The following PAX8 variants were observed in gnomAD, a reference collection of about 807,000 sequenced individuals.
PAX8 encodes the protein paired box protein Pax-8.
A neutral mutation model predicts 52.4 loss-of-function variants in PAX8; 15 were observed. The ratio of observed to expected loss-of-function variants is 0.29; its 90% CI spans 0.19 to 0.44. The LOEUF is 0.44. PAX8 is among the 20% of genes least tolerant of loss of function. The probability of loss-of-function intolerance (pLI) is 1.00; values close to 1 mark genes in which losing one functional copy is unlikely to be tolerated. For missense variants in PAX8, 554 were observed against 602.5 expected (o/e 0.92, Z 0.84); for synonymous variants, 284 against 249.7 (o/e 1.14, Z -1.29).
At chr2:113,241,978 C>A (rs767531329) in intron 6 of PAX8, 30 bp downstream of exon 6, 1 of 1,611,704 alleles carries the variant, frequency 6.2e-7, no homozygotes, top group South Asian at 1.1e-5. Flanking sequence ...TCTCGTGCAC[C>A]GCCCGCTGCC....
intron 7 of PAX8, chr2:113,237,303 A>G (rs1415441993): frequency 6.6e-6 from 1 of 152,246 alleles, no homozygotes; most frequent in Non-Finnish European, 1.5e-5. Context: ...CTGTTGTCCT[A>G]GTAGAGTCCC....
chr2:113,233,709 A>G (rs1690059023), intron 9 of PAX8, among the ~76,000 whole-genome samples: 1 of 150,380 alleles, frequency 6.6e-6, no homozygotes, highest in Non-Finnish European at 1.5e-5. Flanking sequence ...AAAAGGGTCC[A>G]GGGACTTTTA....
At chr2:113,261,500 A>G (rs1198540092) in intron 2 of PAX8, among the ~76,000 whole-genome samples, 1 of 152,226 alleles carries the variant, frequency 6.6e-6, no homozygotes, top group African/African-American at 2.4e-5. Flanking sequence ...GGGCTGCCAC[A>G]TGACTTGCAT....
intron 10 of PAX8, among the ~76,000 whole-genome samples, chr2:113,224,739 G>A (rs970335990): frequency 1.3e-5 from 2 of 151,048 alleles, no homozygotes; most frequent in African/African-American, 4.9e-5. Flanking sequence ...GGAGCTGCTG[G>A]TTCTGCTCTA....
intron 10 of PAX8, chr2:113,226,031 C>G: frequency 1.0e-6 from 1 of 985,738 alleles, no homozygotes; most frequent in Non-Finnish European, 1.2e-6. Flanking sequence ...CACATCGCCA[C>G]GGTAACCAGG....
intron 2 of PAX8, chr2:113,274,828 A>T (rs1693691205): frequency 1.3e-5 from 2 of 152,236 alleles, no homozygotes; most frequent in Admixed American, 1.3e-4. Flanking sequence ...TTATTTACAC[A>T]GCAGAGGAAC....
At chr2:113,273,164 C>T (rs562388406) in intron 2 of PAX8, 7 of 152,316 alleles carry the variant, frequency 4.6e-5, no homozygotes, top group East Asian at 1.9e-4. Context: ...CCAACTGTGG[C>T]GAGAGAAAGT....
At chr2:113,234,572 G>A (rs1690127142) in intron 9 of PAX8, among the ~76,000 whole-genome samples, 1 of 152,188 alleles carries the variant, frequency 6.6e-6, no homozygotes, top group Non-Finnish European at 1.5e-5. Context: ...CCAGGCTGGA[G>A]TGCCATGGCG....
rs1432017395 is a variant in PAX8 at position 113,236,629 on chromosome 2, C to T, written c.870G>A (p.Ser290=). The T allele has an allele frequency of 4.4e-6, 7 of 1,591,214 alleles. No homozygotes were observed. The highest frequency in any genetic ancestry group is 2.3e-5 in the South Asian group (2 of 87,176). ...CCACCACGGGGTAGGTCTGGTGAGT[C>T]GAGAGGTTGCGCCCCAGTGGCGTGT... The part of the protein sequence containing the change: ...PSNTPLGRNL[S]THQTYPVVAD... Residue 290 remains serine (S), a synonymous_variant, in exon 8 of 12, where the codon TCG becomes TCA. Transcript: ENST00000429538.
chr2:113,230,411 G>A (rs975757714), intron 9 of PAX8: 2 of 152,236 alleles, frequency 1.3e-5, no homozygotes, highest in African/African-American at 2.4e-5. Context: ...GTGCCCCCAC[G>A]GGGCTCCACC....
At chr2:113,267,153 G>T (rs949826604) in intron 2 of PAX8, 4 of 152,256 alleles carry the variant, frequency 2.6e-5, no homozygotes, top group Non-Finnish European at 4.4e-5. Context: ...CAGAATGTTA[G>T]AGAGAATATC....
chr2:113,218,017 G>A lies in PAX8; in HGVS notation c.*516C>T, dbSNP rs1689083135. On this transcript the variant is annotated 3_prime_UTR_variant, in exon 12 of 12. Transcript: ENST00000429538. Reference sequence around the variant, plus strand: ...ACAGCCAGAGCCTCCGTGTGGGGCAGGCGGGAGGCTGAGGGAGGTGACTCC... The same window carrying A: ...ACAGCCAGAGCCTCCGTGTGGGGCAAGCGGGAGGCTGAGGGAGGTGACTCC... The A allele has an allele frequency of 4.3e-6, 1 of 233,802 alleles. No individual in the cohort carries two copies. Among genetic ancestry groups the A allele is most frequent in the South Asian group, 1.8e-4 (1 of 5,538 alleles). 14.5% of individuals were successfully genotyped at this position (233,802 alleles called of 1,614,324 possible).
intron 4 of PAX8, 105 bp from the exon 5 acceptor site, chr2:113,242,883 A>G (rs993850948): frequency 8.8e-6 from 7 of 791,906 alleles, no homozygotes; most frequent in South Asian, 1.4e-5. Flanking sequence ...GGTATCTCCA[A>G]GGCACTTGAA....
chr2:113,264,658 G>A (rs1443068779), intron 2 of PAX8, among the ~76,000 whole-genome samples: 1 of 152,240 alleles, frequency 6.6e-6, no homozygotes, highest in Non-Finnish European at 1.5e-5. Flanking sequence ...GAGGCAGGTT[G>A]TCACTGTAAG....
At position 113,226,842 on chromosome 2, in the gene PAX8, G is replaced by C. The variant is rs1185770281; in HGVS notation, c.1189+313C>G. On this transcript the variant is annotated intron_variant, in intron 10 of 11. Coordinates refer to ENST00000429538, the MANE Select transcript of PAX8 (RefSeq NM_003466.4). ...AGAGTGCTCTCCATTTATGCTCACT[G>C]ATTCACTGGAAGAAGTGGTGGAGCT... is the stretch of plus-strand genomic sequence containing the variant. 44 of 1,288,468 alleles carry C rather than the reference G, an allele frequency of 3.4e-5. No homozygotes were observed. In the Admixed American group the frequency reaches 1.4e-3, roughly 40 times the overall value. 79.8% of individuals were successfully genotyped at this position (1,288,468 alleles called of 1,614,324 possible). A position where few individuals can be genotyped will look rare whatever the true frequency, so the allele number is the denominator to read the frequency against.
At chr2:113,255,148 AGAAGGAAG>A (rs1024920241) in intron 2 of PAX8, among the ~76,000 whole-genome samples, 1 of 136,858 alleles carries the variant, frequency 7.3e-6, no homozygotes, top group Non-Finnish European at 1.6e-5. Flanking sequence ...AAGGAAGGAA[AGAAGGAAG>A]GAAGAAAAAA....
At chr2:113,269,543 C>T (rs1051203386) in intron 2 of PAX8, 1 of 152,186 alleles carries the variant, frequency 6.6e-6, no homozygotes, top group African/African-American at 2.4e-5. Flanking sequence ...CTACCTTGCT[C>T]AGTGTTGAAG....
intron 2 of PAX8, among the ~76,000 whole-genome samples, chr2:113,253,503 CCA>C (rs1691948486): frequency 6.6e-6 from 1 of 152,234 alleles, no homozygotes; most frequent in Non-Finnish European, 1.5e-5. Context: ...CCACCTGCCA[CCA>C]CACTCTCTGC....
chr2:113,225,173 A>T (rs1689491727), intron 10 of PAX8, among the ~76,000 whole-genome samples: 1 of 152,258 alleles, frequency 6.6e-6, no homozygotes, highest in Non-Finnish European at 1.5e-5. Context: ...ATAAAGTTAT[A>T]CATATTTGAA....
Sources: allele counts gnomAD v4.1 joint callset (sites outside exome capture counted in the v4.1 genomes callset), GRCh38; gene constraint gnomAD v4.1.1; transcripts MANE v1.5; gene names NCBI Gene and HGNC (gene_info 2026-07-23, HGNC 2026-07-21).